Variants in SUMF1 observed in about 807,000 individuals in gnomAD.
SUMF1 encodes the protein sulfatase modifying factor 1.
Under a neutral mutation model 47.6 loss-of-function variants are expected in SUMF1, and 48 were observed. The observed-to-expected ratio is 1.01, with a 90% confidence interval of 0.80 to 1.28. The LOEUF (loss-of-function observed/expected upper bound fraction) is 1.28, where lower values mean the gene tolerates loss of function less well. SUMF1 is among the 50% of genes most tolerant of loss of function. SUMF1 has a pLI of 0.00. For missense variants in SUMF1, 571 were observed against 485.4 expected (o/e 1.18, Z -1.66); for synonymous variants, 230 against 192.1 (o/e 1.20, Z -1.63).
chr3:4,401,489 C>G (rs1007321863), intron 7 of SUMF1, among the ~76,000 whole-genome samples: 4 of 152,098 alleles, frequency 2.6e-5, no homozygotes, highest in Non-Finnish European at 5.9e-5. Context: ...TCCATCACTG[C>G]CTACTTTCCA....
chr3:4,357,252 G>T (rs1405907763), downstream of SUMF1, among the ~76,000 whole-genome samples: 1 of 149,502 alleles, frequency 6.7e-6, no homozygotes, highest in African/African-American at 2.4e-5. Context: ...TAAAATTCCT[G>T]AAGTTTCAGA....
chr3:4,456,415 G>A (rs1044945132), intron 1 of SUMF1, among the ~76,000 whole-genome samples: 4 of 149,954 alleles, frequency 2.7e-5, no homozygotes, highest in Non-Finnish European at 3.0e-5. Flanking sequence ...AAACAAAGAC[G>A]TTATGTTGTC....
chr3:4,145,494 C>T (rs931710170), intron 8 of SUMF1, among the ~76,000 whole-genome samples: 2 of 152,084 alleles, frequency 1.3e-5, no homozygotes, highest in Non-Finnish European at 2.9e-5. Flanking sequence ...CTTGTTCTGG[C>T]CAAACCAAAT....
intron 9 of SUMF1, among the ~76,000 whole-genome samples, chr3:4,057,875 TG>T (rs1455507847): frequency 1.3e-5 from 2 of 152,186 alleles, no homozygotes; most frequent in Admixed American, 6.6e-5. Flanking sequence ...ATGGTAGAGT[TG>T]GAACCCTATG....
chr3:4,168,597 T>A (rs555191650), intron 8 of SUMF1, among the ~76,000 whole-genome samples: 2 of 152,240 alleles, frequency 1.3e-5, no homozygotes, highest in Non-Finnish European at 2.9e-5. Flanking sequence ...TATACTTTTA[T>A]GTGTACATAT....
intron 7 of SUMF1, among the ~76,000 whole-genome samples, chr3:4,380,368 C>T (rs1416858761): frequency 6.6e-6 from 1 of 152,268 alleles, no homozygotes; most frequent in East Asian, 1.9e-4. Flanking sequence ...GGGAGCTAAA[C>T]ATTGGATATA....
intron 8 of SUMF1, among the ~76,000 whole-genome samples, chr3:4,276,440 A>G (rs1697418982): frequency 2.0e-5 from 3 of 152,200 alleles, no homozygotes. Flanking sequence ...GAATATTCCA[A>G]TACTCTGTTG....
intron 8 of SUMF1, chr3:4,303,366 G>T: frequency 4.5e-6 from 7 of 1,544,164 alleles, no homozygotes; most frequent in Non-Finnish European, 5.2e-6. Flanking sequence ...GCGTGAGGCG[G>T]GTAAATGTTC....
intron 8 of SUMF1, among the ~76,000 whole-genome samples, chr3:4,168,053 G>A (rs1049313133): frequency 2.6e-5 from 4 of 151,974 alleles, no homozygotes; most frequent in African/African-American, 9.7e-5. Context: ...AACTCCCTTG[G>A]GCACTTGGCA....
intron 2 of SUMF1, among the ~76,000 whole-genome samples, chr3:4,451,219 C>T (rs1303488661): frequency 6.6e-6 from 1 of 151,590 alleles, no homozygotes; most frequent in African/African-American, 2.4e-5. Flanking sequence ...TGGCAGGTCT[C>T]ATAATTATCA....
At chr3:4,133,074 T>G (rs571913107) in intron 8 of SUMF1, among the ~76,000 whole-genome samples, 3 of 152,300 alleles carry the variant, frequency 2.0e-5, no homozygotes, top group African/African-American at 4.8e-5. Flanking sequence ...ATATCAGCTA[T>G]GACCACATGA....
At chr3:4,332,355 A>C (rs1021666970) in intron 8 of SUMF1, among the ~76,000 whole-genome samples, 1 of 152,204 alleles carries the variant, frequency 6.6e-6, no homozygotes, top group Non-Finnish European at 1.5e-5. Context: ...TTACATTTCT[A>C]AAGGGACAGC....
At chr3:4,446,713 T>C (rs1297943660) in intron 3 of SUMF1, among the ~76,000 whole-genome samples, 2 of 152,044 alleles carry the variant, frequency 1.3e-5, no homozygotes, top group African/African-American at 4.8e-5. Context: ...TTGCAGGAAA[T>C]ACAGAGGACA....
chr3:4,404,312 C>T (rs914176618), intron 7 of SUMF1, among the ~76,000 whole-genome samples: 1 of 152,192 alleles, frequency 6.6e-6, no homozygotes, highest in Non-Finnish European at 1.5e-5. Context: ...ACCTTGCTTT[C>T]CCCTTGGCAC....
At chr3:4,284,447 G>A (rs1383534482) in intron 8 of SUMF1, among the ~76,000 whole-genome samples, 1 of 99,722 alleles carries the variant, frequency 1.0e-5, no homozygotes, top group Non-Finnish European at 2.0e-5. Context: ...ATGAAAGGAG[G>A]AGGAGGAGGA....
chr3:4,210,436 G>A (rs1021983652), intron 8 of SUMF1, among the ~76,000 whole-genome samples: 7 of 152,092 alleles, frequency 4.6e-5, no homozygotes, highest in Admixed American at 3.3e-4. Context: ...ATACACCAAT[G>A]GAACAGAATA....
intron 8 of SUMF1, among the ~76,000 whole-genome samples, chr3:4,301,393 G>T (rs1697961747): frequency 6.6e-6 from 1 of 152,232 alleles, no homozygotes; most frequent in Non-Finnish European, 1.5e-5. Context: ...GGTAAACTTT[G>T]AGAGAAAATG....
At chr3:4,424,997 C>T (rs533982581) in intron 3 of SUMF1, among the ~76,000 whole-genome samples, 2 of 152,308 alleles carry the variant, frequency 1.3e-5, no homozygotes, top group African/African-American at 4.8e-5. Flanking sequence ...CACCAGATGC[C>T]AGTTGCATCC....
At chr3:4,422,112 G>T (rs985112001) in intron 3 of SUMF1, among the ~76,000 whole-genome samples, 1 of 152,188 alleles carries the variant, frequency 6.6e-6, no homozygotes, top group Non-Finnish European at 1.5e-5. Flanking sequence ...ATTTTACAGA[G>T]AACAGGGGAG....
Sources: allele counts gnomAD v4.1 joint callset (sites outside exome capture counted in the v4.1 genomes callset), GRCh38; gene constraint gnomAD v4.1.1; transcripts MANE v1.5; gene names NCBI Gene and HGNC (gene_info 2026-07-23, HGNC 2026-07-21).